Variants in EYS observed in about 807,000 individuals in gnomAD.
EYS encodes EGF-like photoreceptor maintenance factor.
A neutral mutation model predicts 282.1 loss-of-function variants in EYS; 250 were observed. The observed-to-expected ratio is 0.89, with a 90% CI of 0.80 to 0.98. The LOEUF (loss-of-function observed/expected upper bound fraction) is 0.98, where lower values mean the gene tolerates loss of function less well. EYS is among the 50% of genes least tolerant of loss of function. The pLI is 0.00. For synonymous variants in EYS, 1,355 were observed against 1,282.9 expected, an observed-to-expected ratio of 1.06 and a Z score of -1.20; for missense variants, 4,016 against 3,709.0, an observed-to-expected ratio of 1.08 and a Z score of -2.15.
intron 26 of EYS, among the ~76,000 whole-genome samples, chr6:64,524,771 A>T (rs1777863999): frequency 6.6e-6 from 1 of 151,674 alleles, no homozygotes. Context: ...CAAAGATCAG[A>T]TGGTTGCAAG....
chr6:63,884,958 T>A (rs7747713), intron 35 of EYS, among the ~76,000 whole-genome samples: 17,948 of 152,130 alleles, frequency 0.12, 1,294 homozygotes, highest in African/African-American at 0.19. Flanking sequence ...GTGAAGAAAT[T>A]TTATAATGGG....
chr6:65,115,467 T>C (rs1420233960), intron 12 of EYS, among the ~76,000 whole-genome samples: 1 of 152,034 alleles, frequency 6.6e-6, no homozygotes, highest in Admixed American at 6.5e-5. Flanking sequence ...ATATTCTGTG[T>C]CTCGGATCAG....
At chr6:64,962,607 C>T (rs539509362) in intron 14 of EYS, among the ~76,000 whole-genome samples, 25 of 151,844 alleles carry the variant, frequency 1.6e-4, no homozygotes, top group Admixed American at 5.2e-4. Flanking sequence ...TGTCATGGTG[C>T]TGTATGCCTG....
intron 14 of EYS, among the ~76,000 whole-genome samples, chr6:64,978,683 A>G (rs1770554326): frequency 6.6e-6 from 1 of 151,994 alleles, no homozygotes; most frequent in Admixed American, 6.6e-5. Flanking sequence ...TCTAGATGCC[A>G]TTAAGAATAT....
intron 39 of EYS, among the ~76,000 whole-genome samples, chr6:63,780,697 T>G (rs1026300183): frequency 1.2e-4 from 19 of 152,340 alleles, no homozygotes; most frequent in Admixed American, 3.3e-4. Flanking sequence ...ATTCTGTAGG[T>G]TGCCTGTTCA....
intron 31 of EYS, among the ~76,000 whole-genome samples, chr6:64,131,333 C>T (rs1009254594): frequency 6.6e-6 from 1 of 151,956 alleles, no homozygotes; most frequent in Non-Finnish European, 1.5e-5. Flanking sequence ...TAAAAGTCTT[C>T]CATATTATGA....
chr6:64,840,140 A>G (rs764998730), intron 19 of EYS, among the ~76,000 whole-genome samples: 1 of 152,114 alleles, frequency 6.6e-6, no homozygotes, highest in Non-Finnish European at 1.5e-5. Flanking sequence ...TTATTAGTTC[A>G]GGTGAACTTA....
At chr6:64,580,734 C>T (rs960056788) in intron 26 of EYS, among the ~76,000 whole-genome samples, 7 of 151,718 alleles carry the variant, frequency 4.6e-5, no homozygotes, top group Admixed American at 1.3e-4. Context: ...ATGTGGAAGG[C>T]GGAATAGAAA....
intron 34 of EYS, among the ~76,000 whole-genome samples, chr6:63,985,121 C>T (rs1767294138): frequency 6.6e-6 from 1 of 151,502 alleles, no homozygotes. Flanking sequence ...AAACTATAAT[C>T]CAATAGGACG....
chr6:64,764,986 C>G (rs758479492), intron 22 of EYS, among the ~76,000 whole-genome samples: 1 of 152,216 alleles, frequency 6.6e-6, no homozygotes, highest in Non-Finnish European at 1.5e-5. Context: ...TACCACCTAC[C>G]TTGGCCTCCC....
chr6:64,445,697 CAT>C (rs1241084918), intron 26 of EYS, among the ~76,000 whole-genome samples: 14 of 152,144 alleles, frequency 9.2e-5, no homozygotes, highest in African/African-American at 3.4e-4. Flanking sequence ...TTGCTTTTCA[CAT>C]GATTCCAATG....
At position 64,230,638 on chromosome 6, in the gene EYS, G is replaced by C. The variant is rs948096111; in HGVS notation, c.6378C>G (p.Phe2126Leu). 15 of 1,551,388 alleles carry C rather than the reference G, an allele frequency of 9.7e-6. No homozygotes were observed. Among genetic ancestry groups the C allele is most frequent in the African/African-American group, 1.4e-5 (1 of 73,030 alleles). ...AIFLSSGIVS[F>L]QCDCPLHFTG... ...TGAAATGTAGTGGACAGTCACATTG[G>C]AATGACACTATGCCACTGGAGAGGA... is the stretch of plus-strand genomic sequence containing the variant. The change falls in exon 31 of 43, where the codon TTC (phenylalanine) becomes TTG (leucine). Residue 2126 changes from phenylalanine to leucine, a missense_variant. Physicochemically the swap from Phe to Leu is conservative, Grantham distance 22 (BLOSUM62 0). Coordinates refer to ENST00000503581, the MANE Select transcript of EYS (RefSeq NM_001142800.2).
intron 31 of EYS, among the ~76,000 whole-genome samples, chr6:64,172,984 G>T (rs993601193): frequency 6.6e-6 from 1 of 152,096 alleles, no homozygotes; most frequent in South Asian, 2.1e-4. Flanking sequence ...GTTTGGGATC[G>T]CTGCTTTATT....
intron 5 of EYS, among the ~76,000 whole-genome samples, chr6:65,434,510 C>A (rs770851714): frequency 6.6e-6 from 1 of 151,942 alleles, no homozygotes; most frequent in Admixed American, 6.6e-5. Flanking sequence ...TTAGCAGAGA[C>A]GGGGTTTCAC....
At chr6:65,330,666 C>T in intron 11 of EYS, 1 of 933,380 alleles carries the variant, frequency 1.1e-6, no homozygotes, top group Non-Finnish European at 1.3e-6. Context: ...TGTCCGTTAA[C>T]ATCATCAACA....
At chr6:64,799,631 C>T (rs527273396) in intron 22 of EYS, among the ~76,000 whole-genome samples, 1 of 149,818 alleles carries the variant, frequency 6.7e-6, no homozygotes, top group Non-Finnish European at 1.5e-5. Flanking sequence ...TATACCTGTG[C>T]TATTCTGAAT....
intron 26 of EYS, among the ~76,000 whole-genome samples, chr6:64,574,781 T>C (rs1467140641): frequency 2.6e-5 from 4 of 152,224 alleles, no homozygotes; most frequent in South Asian, 2.1e-4. Flanking sequence ...ATGAAAAATA[T>C]GTAATTTCAT....
At chr6:65,285,890 A>G (rs1480403387) in intron 12 of EYS, among the ~76,000 whole-genome samples, 1 of 151,942 alleles carries the variant, frequency 6.6e-6, no homozygotes, top group Non-Finnish European at 1.5e-5. Context: ...GTAGGAACTT[A>G]CACAACTTTT....
At chr6:64,313,011 A>C (rs1310858825) in intron 29 of EYS, among the ~76,000 whole-genome samples, 1 of 152,236 alleles carries the variant, frequency 6.6e-6, no homozygotes, top group Non-Finnish European at 1.5e-5. Flanking sequence ...GCAAGGGAAC[A>C]AAACTGGATG....
Sources: allele counts gnomAD v4.1 joint callset (sites outside exome capture counted in the v4.1 genomes callset), GRCh38; gene constraint gnomAD v4.1.1; transcripts MANE v1.5; gene names NCBI Gene and HGNC (gene_info 2026-07-23, HGNC 2026-07-21).